The following BRINP3 variants were observed in gnomAD, a reference collection of about 807,000 sequenced individuals.
BRINP3 encodes the protein BMP/retinoic acid inducible neural specific 3.
In BRINP3, 19 loss-of-function variants were observed where a neutral mutation model predicts 71.0. The ratio of observed to expected loss-of-function variants is 0.27; its 90% CI spans 0.19 to 0.39. BRINP3 has a LOEUF of 0.39. BRINP3 is among the 10% of genes least tolerant of loss of function. The pLI is 1.00. For missense variants in BRINP3, 959 were observed against 940.8 expected (o/e 1.02, Z -0.25); for synonymous variants, 380 against 337.7 (o/e 1.13, Z -1.37).
At chr1:190,334,383 G>A (rs767220863) in intron 2 of BRINP3, among the ~76,000 whole-genome samples, 3 of 151,726 alleles carry the variant, frequency 2.0e-5, no homozygotes, top group Admixed American at 1.3e-4. Context: ...CTAAATATGT[G>A]TGAATTTTTT....
chr1:190,361,693 T>G (rs1669157865), intron 2 of BRINP3, among the ~76,000 whole-genome samples: 1 of 152,118 alleles, frequency 6.6e-6, no homozygotes, highest in Non-Finnish European at 1.5e-5. Flanking sequence ...TGAGCCACCA[T>G]GCCTGGCCAA....
chr1:190,301,204 CATATATATATATATATAT>C (rs369121473), intron 2 of BRINP3, among the ~76,000 whole-genome samples: 3 of 106,340 alleles, frequency 2.8e-5, no homozygotes, highest in Non-Finnish European at 5.4e-5. Flanking sequence ...TATACACATA[CATATATATATATATATAT>C]ATATATATAT....
In BRINP3 at chr1:190,113,899, C is replaced by A. The variant is rs932993442; in HGVS notation, c.1185-14765G>T. Reference sequence around the variant, plus strand: ...CACTAATAACGCAAACTAGGTTTTACCAGAATATCTTTAAATTTCTTTCCA... The same window carrying A: ...CACTAATAACGCAAACTAGGTTTTAACAGAATATCTTTAAATTTCTTTCCA... On this transcript the variant is annotated intron_variant, in intron 7 of 7. Transcript: ENST00000367462. Among the ~76,000 whole-genome samples, 35 of 152,098 alleles carry A rather than the reference C, an allele frequency of 2.3e-4. 1 individual carries two copies. Among genetic ancestry groups the A allele is most frequent in the Admixed American group, 2.3e-3 (35 of 15,266 alleles).
At chr1:190,424,747 G>A (rs533943793) in intron 2 of BRINP3, among the ~76,000 whole-genome samples, 1 of 151,696 alleles carries the variant, frequency 6.6e-6, no homozygotes, top group African/African-American at 2.4e-5. Context: ...TTATAGAGAA[G>A]CTCTAAAAAA....
chr1:190,098,041 C>G lies in BRINP3; in HGVS notation c.2278G>C (p.Asp760His). Residue 760 changes from aspartate (D) to histidine (H), a missense_variant, in exon 8 of 8, where the codon GAC (aspartate) becomes CAC (histidine). Physicochemically the swap from Asp to His is moderately conservative, Grantham distance 81 (BLOSUM62 -1). Transcript: ENST00000367462. Reference sequence around the variant, plus strand: ...GGTTAACTACATAATTTGGTCGTGTCATAATCCATTGTGTTTGGCAATTTG... The same window carrying G: ...GGTTAACTACATAATTTGGTCGTGTGATAATCCATTGTGTTTGGCAATTTG... The part of the protein sequence containing the change: ...NAKLPNTMDY[D>H]TTKLCS 1 of 1,612,244 alleles carries G rather than the reference C, an allele frequency of 6.2e-7. No homozygotes were observed. Among genetic ancestry groups the G allele is most frequent in the African/African-American group, 1.3e-5 (1 of 74,934 alleles).
intron 7 of BRINP3, among the ~76,000 whole-genome samples, chr1:190,126,202 A>C (rs1210946543): frequency 1.3e-5 from 2 of 152,030 alleles, no homozygotes; most frequent in Admixed American, 1.3e-4. Context: ...GCTGATAAAA[A>C]TTCTTCCAAC....
In BRINP3 at chr1:190,097,974, G is replaced by GTA. The variant is rs1395384438; in HGVS notation, c.*42_*43dup. ...ACATAAACTGTTCCACAAAAGCACT[G>GTA]TAAAAACTCCTTCAAGATTTTGGGT... On this transcript the variant is annotated 3_prime_UTR_variant, in exon 8 of 8. Transcript: ENST00000367462. 2 of 1,548,898 alleles carry GTA rather than the reference G, an allele frequency of 1.3e-6. No homozygotes were observed.
intron 2 of BRINP3, among the ~76,000 whole-genome samples, chr1:190,447,703 T>G (rs1289815528): frequency 6.6e-6 from 1 of 150,834 alleles, no homozygotes; most frequent in African/African-American, 2.4e-5. Flanking sequence ...TACGAAGATG[T>G]TTAATTATAA....
At chr1:190,219,567 T>C (rs373132241) in intron 6 of BRINP3, among the ~76,000 whole-genome samples, 1 of 151,924 alleles carries the variant, frequency 6.6e-6, no homozygotes, top group Non-Finnish European at 1.5e-5. Context: ...GGGCCAGGAA[T>C]GGTGGCTCAC....
chr1:190,231,984 A>C (rs535230012), intron 5 of BRINP3, among the ~76,000 whole-genome samples: 2 of 152,064 alleles, frequency 1.3e-5, no homozygotes, highest in Admixed American at 1.3e-4. Context: ...TTATTAAAAA[A>C]CTGTGATAAT....
At chr1:190,119,364 C>T (rs759229109) in intron 7 of BRINP3, among the ~76,000 whole-genome samples, 2 of 152,052 alleles carry the variant, frequency 1.3e-5, no homozygotes, top group Non-Finnish European at 2.9e-5. Flanking sequence ...GCAAACTCTG[C>T]CTCCTGGGTT....
At chr1:190,119,056 G>A (rs993724934) in intron 7 of BRINP3, among the ~76,000 whole-genome samples, 1 of 151,848 alleles carries the variant, frequency 6.6e-6, no homozygotes, top group Admixed American at 6.6e-5. Flanking sequence ...AGATAATAAG[G>A]GAAGCAAAGG....
At chr1:190,274,506 C>A (rs1398504234) in intron 3 of BRINP3, among the ~76,000 whole-genome samples, 1 of 151,620 alleles carries the variant, frequency 6.6e-6, no homozygotes, top group Non-Finnish European at 1.5e-5. Context: ...GAAAATCCTT[C>A]TCACAGAAAT....
intron 6 of BRINP3, among the ~76,000 whole-genome samples, chr1:190,200,780 A>T (rs1411743456): frequency 6.6e-6 from 1 of 152,104 alleles, no homozygotes; most frequent in African/African-American, 2.4e-5. Context: ...GTTATAAAAA[A>T]CAGGAGTATC....
intron 2 of BRINP3, among the ~76,000 whole-genome samples, chr1:190,414,801 C>A (rs1392213671): frequency 1.3e-5 from 2 of 152,290 alleles, no homozygotes; most frequent in African/African-American, 2.4e-5. Context: ...CTCTCCCATA[C>A]TCATGGAACT....
chr1:190,439,475 C>T (rs1231149478), intron 2 of BRINP3, among the ~76,000 whole-genome samples: 1 of 151,648 alleles, frequency 6.6e-6, no homozygotes, highest in Non-Finnish European at 1.5e-5. Context: ...AATTTTACTC[C>T]AAGGCAGAAG....
At chr1:190,222,771 A>G (rs973676283) in intron 6 of BRINP3, among the ~76,000 whole-genome samples, 21 of 151,810 alleles carry the variant, frequency 1.4e-4, no homozygotes, top group Non-Finnish European at 2.4e-4. Flanking sequence ...AAGATAATCA[A>G]AACTGACAAA....
intron 2 of BRINP3, among the ~76,000 whole-genome samples, chr1:190,308,261 T>G (rs943574872): frequency 5.3e-5 from 8 of 151,878 alleles, no homozygotes; most frequent in Non-Finnish European, 8.8e-5. Context: ...TGAGAAGACA[T>G]AAGAACACTT....
chr1:190,117,818 T>C (rs1441657201), intron 7 of BRINP3, among the ~76,000 whole-genome samples: 1 of 152,084 alleles, frequency 6.6e-6, no homozygotes, highest in Non-Finnish European at 1.5e-5. Context: ...ATTCTGCTCA[T>C]TTCATCATGT....
Sources: allele counts gnomAD v4.1 joint callset (sites outside exome capture counted in the v4.1 genomes callset), GRCh38; gene constraint gnomAD v4.1.1; transcripts MANE v1.5; gene names NCBI Gene and HGNC (gene_info 2026-07-23, HGNC 2026-07-21).